The following CPSF3 variants were observed in gnomAD, a reference collection of about 807,000 sequenced individuals.
CPSF3 encodes cleavage and polyadenylation specificity factor subunit 3.
CPSF3 carries 57 observed loss-of-function variants against 84.1 expected under a neutral mutation model. That is an observed-to-expected ratio of 0.68 (90% CI 0.55 to 0.85). CPSF3 has a LOEUF of 0.85. Ranked by LOEUF, CPSF3 falls within the 40% of genes least tolerant of loss-of-function variation. CPSF3 has a pLI of 0.00. For missense variants in CPSF3, 522 were observed against 838.8 expected (o/e 0.62, Z 4.66); for synonymous variants, 275 against 278.1 (o/e 0.99, Z 0.11).
intron 10 of CPSF3, among the ~76,000 whole-genome samples, chr2:9,446,168 A>C (rs181462729): frequency 6.6e-6 from 1 of 152,200 alleles, no homozygotes; most frequent in Non-Finnish European, 1.5e-5. Flanking sequence ...GGCTAAGAAC[A>C]ATCTATCTTG....
intron 15 of CPSF3, among the ~76,000 whole-genome samples, chr2:9,463,559 G>A (rs1279903255): frequency 3.9e-5 from 6 of 152,216 alleles, no homozygotes; most frequent in African/African-American, 7.2e-5. Flanking sequence ...GTTGTCACTC[G>A]TGGGGCTAAG....
At chr2:9,433,198 C>T (rs1037571226) in intron 5 of CPSF3, among the ~76,000 whole-genome samples, 1 of 152,188 alleles carries the variant, frequency 6.6e-6, no homozygotes, top group African/African-American at 2.4e-5. Context: ...TCCAGAGCAG[C>T]CGCTCTGAAC....
intron 1 of CPSF3, among the ~76,000 whole-genome samples, chr2:9,425,820 A>G (rs930117565): frequency 1.3e-5 from 2 of 152,206 alleles, no homozygotes; most frequent in African/African-American, 4.8e-5. Flanking sequence ...CGTTCTTAAC[A>G]TAGAGTTATA....
chr2:9,456,366 G>A (rs897041829), intron 13 of CPSF3, among the ~76,000 whole-genome samples: 8 of 152,150 alleles, frequency 5.3e-5, no homozygotes, highest in Non-Finnish European at 1.0e-4. Flanking sequence ...CATCAGTAAC[G>A]CTCTTCATGA....
intron 7 of CPSF3, among the ~76,000 whole-genome samples, chr2:9,439,388 G>A (rs1680889979): frequency 6.7e-6 from 1 of 150,342 alleles, no homozygotes; most frequent in Admixed American, 6.7e-5. Context: ...CAGGAGAATG[G>A]CATGAACCCG....
chr2:9,443,486 GTTTTGTTAT>G lies in CPSF3; in HGVS notation c.1096-24_1096-16del, dbSNP rs778361147. The stretch of plus-strand genomic sequence containing the variant: ...CTTTACGATTATAACTGGGTAGTTT[GTTTTGTTAT>G]TTTTCTTTATTTTCCACAGCACATC... On this transcript the variant is annotated intron_variant, in intron 9 of 17. Coordinates refer to ENST00000238112, the MANE Select transcript of CPSF3 (RefSeq NM_016207.4). 1 of 1,592,004 alleles carries G rather than the reference GTTTTGTTAT, an allele frequency of 6.3e-7. No homozygotes were observed. Among genetic ancestry groups the G allele is most frequent in the Non-Finnish European group, 8.6e-7 (1 of 1,166,128 alleles).
In CPSF3 at chr2:9,441,979, C is replaced by G; in HGVS notation, c.1095+3C>G. The G allele has an allele frequency of 1.9e-6, 3 of 1,613,922 alleles. No homozygotes were observed. Among genetic ancestry groups the G allele is most frequent in the Non-Finnish European group, 2.5e-6 (3 of 1,179,878 alleles). Reference sequence around the variant, plus strand: ...GTGTAGAAGGGACACTTGCCAAGGTCAGTTACAGTCATAGGCTGTTGTGTT... The same window carrying G: ...GTGTAGAAGGGACACTTGCCAAGGTGAGTTACAGTCATAGGCTGTTGTGTT... On this transcript the variant is annotated splice_donor_region_variant and intron_variant, in intron 9 of 17. Transcript: ENST00000238112.
At chr2:9,460,529 T>C (rs1356454100) in intron 15 of CPSF3, among the ~76,000 whole-genome samples, 1 of 152,226 alleles carries the variant, frequency 6.6e-6, no homozygotes, top group Admixed American at 6.5e-5. Flanking sequence ...ACTATCTTCA[T>C]GTTTAATAAA....
intron 8 of CPSF3, among the ~76,000 whole-genome samples, chr2:9,440,870 C>T (rs1004567998): frequency 2.0e-5 from 3 of 152,298 alleles, no homozygotes; most frequent in East Asian, 1.9e-4. Flanking sequence ...AAATAAAAAT[C>T]GTAGGCAGTG....
chr2:9,458,878 C>T (rs1276372132), intron 14 of CPSF3, among the ~76,000 whole-genome samples: 1 of 151,916 alleles, frequency 6.6e-6, no homozygotes, highest in African/African-American at 2.4e-5. Context: ...TTTGGGAGGC[C>T]GAGGTGGGCG....
intron 15 of CPSF3, among the ~76,000 whole-genome samples, chr2:9,466,218 GC>G (rs1681911759): frequency 1.4e-5 from 2 of 138,018 alleles, no homozygotes; most frequent in African/African-American, 5.5e-5. Flanking sequence ...GCGCACACAC[GC>G]ACGCACACAC....
At chr2:9,466,405 C>T (rs1268368205) in intron 15 of CPSF3, among the ~76,000 whole-genome samples, 2 of 143,892 alleles carry the variant, frequency 1.4e-5, no homozygotes, top group African/African-American at 5.4e-5. Context: ...CACACACGCA[C>T]GCGCACACAC....
chr2:9,443,131 C>T (rs1352442496), intron 9 of CPSF3, among the ~76,000 whole-genome samples: 1 of 152,196 alleles, frequency 6.6e-6, no homozygotes, highest in East Asian at 1.9e-4. Flanking sequence ...CACTGCATTT[C>T]AGCCTGGGTG....
chr2:9,470,452 G>A (rs148092448), intron 16 of CPSF3, among the ~76,000 whole-genome samples: 1 of 152,300 alleles, frequency 6.6e-6, no homozygotes, highest in East Asian at 1.9e-4. Context: ...TCAGCCTGCT[G>A]GTGGACTGCT....
intron 6 of CPSF3, among the ~76,000 whole-genome samples, chr2:9,435,756 GGA>G (rs1360049455): frequency 6.7e-6 from 1 of 148,662 alleles, no homozygotes; most frequent in African/African-American, 2.5e-5. Context: ...TTTTTGAGAT[GGA>G]GTCTTGCTCT....
intron 6 of CPSF3, among the ~76,000 whole-genome samples, chr2:9,435,268 C>T (rs892255548): frequency 2.6e-5 from 4 of 152,078 alleles, no homozygotes; most frequent in African/African-American, 9.7e-5. Flanking sequence ...TAAGAAACAA[C>T]ATCTGTTTCT....
intron 15 of CPSF3, among the ~76,000 whole-genome samples, chr2:9,463,783 G>T (rs1312095105): frequency 6.6e-6 from 1 of 152,206 alleles, no homozygotes; most frequent in Non-Finnish European, 1.5e-5. Flanking sequence ...GCCTGCTTTG[G>T]TAAGTATAGT....
In CPSF3 at chr2:9,436,261, A is replaced by C; in HGVS notation, c.660A>C (p.Ala220=). Residue 220 remains alanine, a synonymous_variant, in exon 7 of 18, where the codon GCA becomes GCC. Transcript: ENST00000238112. ...ATGAGAAACGTGAAGAGCGAGAAGC[A>C]AGATTCTGTAACACTGTCCACGATA... ...HIHEKREERE[A]RFCNTVHDIV... is the part of the protein sequence containing the mutation. 2.5e-6 allele frequency: 4 copies of C among 1,613,064 alleles called. No homozygotes were observed. The South Asian group carries it at 3.3e-5, about 13-fold the overall frequency.
intron 7 of CPSF3, among the ~76,000 whole-genome samples, chr2:9,439,227 T>C (rs2124821234): frequency 6.6e-6 from 1 of 152,240 alleles, no homozygotes; most frequent in East Asian, 1.9e-4. Flanking sequence ...CTTAGTTTGC[T>C]AGTTAAAATG....
Sources: gnomAD v4.1 joint callset for allele counts (sites outside exome capture counted in the v4.1 genomes callset) on GRCh38, gnomAD v4.1.1 for gene constraint, MANE v1.5 for transcripts, NCBI Gene and HGNC (gene_info 2026-07-23, HGNC 2026-07-21) for gene names.